ZSCAN23: variants seen among roughly 807,000 people sequenced by gnomAD.
The protein encoded by ZSCAN23 is zinc finger and SCAN domain-containing protein 23.
A neutral mutation model predicts 19.3 loss-of-function variants in ZSCAN23; 19 were observed. The observed-to-expected ratio is 0.99, with a 90% CI of 0.69 to 1.45. The LOEUF (loss-of-function observed/expected upper bound fraction) is 1.45, where lower values mean the gene tolerates loss of function less well. Ranked by LOEUF, ZSCAN23 falls within the 40% of genes most tolerant of loss-of-function variation. The pLI is 0.00. For synonymous variants in ZSCAN23, 140 were observed against 166.2 expected, an observed-to-expected ratio of 0.84 and a Z score of 1.21; for missense variants, 372 against 462.5, an observed-to-expected ratio of 0.80 and a Z score of 1.79.
chr6:28,436,753 G>T (rs1761897952), intron 1 of ZSCAN23, among the ~76,000 whole-genome samples: 1 of 152,092 alleles, frequency 6.6e-6, no homozygotes. Flanking sequence ...GGAAAGTAAA[G>T]AATATAAAAA....
At chr6:28,435,116 G>GA in intron 3 of ZSCAN23, 38 bp from the exon 4 acceptor site, 22 of 1,475,078 alleles carry the variant, frequency 1.5e-5, no homozygotes, top group Non-Finnish European at 2.0e-5. Context: ...CATGAAGTAT[G>GA]AAAAATAACA....
chr6:28,426,567 TATA>T, the ZSCAN23 span, among the ~76,000 whole-genome samples: 2 of 152,156 alleles, frequency 1.3e-5, no homozygotes, highest in African/African-American at 2.4e-5. Flanking sequence ...CCATAATAGA[TATA>T]ATAATAATTT....
chr6:28,427,857 A>G (rs1761688933), downstream of ZSCAN23, among the ~76,000 whole-genome samples: 1 of 152,180 alleles, frequency 6.6e-6, no homozygotes, highest in African/African-American at 2.4e-5. Context: ...AGGCGGGTGG[A>G]TCACCTGAGG....
At chr6:28,430,660 C>G (rs567143271), downstream of ZSCAN23, among the ~76,000 whole-genome samples, 1 of 152,086 alleles carries the variant, frequency 6.6e-6, no homozygotes, top group Non-Finnish European at 1.5e-5. Flanking sequence ...AGGCCACCAC[C>G]ACCCCCACCC....
the ZSCAN23 span, among the ~76,000 whole-genome samples, chr6:28,424,778 A>G: frequency 3.3e-5 from 5 of 152,318 alleles, no homozygotes; most frequent in East Asian, 9.6e-4. Context: ...TATTTCCACT[A>G]TATCTACAGT....
chr6:28,422,961 T>C, the ZSCAN23 span, among the ~76,000 whole-genome samples: 2 of 152,214 alleles, frequency 1.3e-5, no homozygotes, highest in Non-Finnish European at 2.9e-5. The surrounding 1 kb of genome is among the most constrained non-coding windows in gnomAD (Gnocchi z 4.0). Flanking sequence ...CAGAGCTGAG[T>C]TGACCCTTTA....
chr6:28,435,128 A>C, intron 3 of ZSCAN23, 50 bp from the exon 4 acceptor site: 1 of 1,465,446 alleles, frequency 6.8e-7, no homozygotes, highest in South Asian at 1.5e-5. Context: ...AAAATAACAG[A>C]TTATCTTTCC....
downstream of ZSCAN23, among the ~76,000 whole-genome samples, chr6:28,430,976 C>CTA (rs1761750614): frequency 6.6e-6 from 1 of 152,126 alleles, no homozygotes; most frequent in Non-Finnish European, 1.5e-5. Context: ...CCATCGGTCC[C>CTA]TATACCACTG....
intron 1 of ZSCAN23, among the ~76,000 whole-genome samples, chr6:28,442,332 T>C (rs945232693): frequency 6.6e-5 from 10 of 152,238 alleles, no homozygotes; most frequent in African/African-American, 2.4e-4. Flanking sequence ...AAACCTGGCA[T>C]ATAAACATGC....
At chr6:28,437,584 A>AAAAAAC (rs879500667) in intron 1 of ZSCAN23, among the ~76,000 whole-genome samples, 4 of 152,132 alleles carry the variant, frequency 2.6e-5, no homozygotes, top group Non-Finnish European at 5.9e-5. Flanking sequence ...CTCTGTCTCA[A>AAAAAAC]AAAAACAAAA....
chr6:28,431,829 A>C (rs931106947), downstream of ZSCAN23: 2 of 152,200 alleles, frequency 1.3e-5, no homozygotes, highest in African/African-American at 4.8e-5. Flanking sequence ...TATTATGAAG[A>C]TGAAGCATGT....
intron 3 of ZSCAN23, 31 bp downstream of exon 3, chr6:28,435,429 G>A: frequency 6.5e-7 from 1 of 1,547,466 alleles, no homozygotes; most frequent in Non-Finnish European, 8.7e-7. Flanking sequence ...AGGGAATGAG[G>A]TAGGCTGTCT....
Position 28,434,246 on chromosome 6 carries a change from C to T in ZSCAN23, c.*219G>A. ...TGCACAGATGTGTGTGAAACTAGGT[C>T]TACAGCATACATGATGAAATCAACA... On this transcript the variant is annotated 3_prime_UTR_variant, in exon 4 of 4. Coordinates refer to ENST00000289788, the MANE Select transcript of ZSCAN23 (RefSeq NM_001012455.2). The T allele has an allele frequency of 2.0e-6, 1 of 505,022 alleles. No homozygotes were observed. The highest frequency in any genetic ancestry group is 3.4e-6 in the Non-Finnish European group (1 of 292,162). 31.3% of individuals were successfully genotyped at this position (505,022 alleles called of 1,614,324 possible). A position where few individuals can be genotyped will look rare whatever the true frequency, so the allele number is the denominator to read the frequency against.
chr6:28,442,562 A>G (rs984967077), intron 1 of ZSCAN23, among the ~76,000 whole-genome samples: 10 of 152,242 alleles, frequency 6.6e-5, no homozygotes, highest in African/African-American at 2.4e-4. Flanking sequence ...TCTCCAATCA[A>G]ATCCTAACTA....
the ZSCAN23 span, among the ~76,000 whole-genome samples, chr6:28,423,876 A>T: frequency 1.3e-5 from 2 of 152,244 alleles, no homozygotes; most frequent in Admixed American, 1.3e-4. Flanking sequence ...GTAAAAAAAA[A>T]AATTTCTGTG....
the ZSCAN23 span, among the ~76,000 whole-genome samples, chr6:28,423,744 T>C: frequency 6.6e-6 from 1 of 152,204 alleles, no homozygotes; most frequent in South Asian, 2.1e-4. Context: ...GAAGACTGGC[T>C]CACTGCAGCA....
chr6:28,442,595 C>T (rs1762022136), intron 1 of ZSCAN23, among the ~76,000 whole-genome samples: 1 of 152,192 alleles, frequency 6.6e-6, no homozygotes, highest in Non-Finnish European at 1.5e-5. Context: ...TACTGAGGTA[C>T]AAAAGAAGGA....
rs117696946 is a variant in ZSCAN23 at position 28,434,681 on chromosome 6, G to T, written c.954C>A (p.Ala318=). 3.2e-5 allele frequency: 50 copies of T among 1,577,098 alleles called. No homozygotes were observed. The East Asian group carries it at 7.5e-4, about 24-fold the overall frequency. Residue 318 remains alanine, a synonymous_variant, in exon 4 of 4, where the codon GCC becomes GCA. Transcript: ENST00000289788. ...SVCGKAFSQN[A]GLFHHLRIHT... is the part of the protein sequence containing the mutation. ...GAATTCTGAGGTGATGGAAAAGCCC[G>T]GCATTCTGGCTGAAGGCTTTGCCAC...
chr6:28,428,074 C>T (rs558485857), downstream of ZSCAN23, among the ~76,000 whole-genome samples: 1 of 150,674 alleles, frequency 6.6e-6, no homozygotes, highest in African/African-American at 2.4e-5. Context: ...AAAACTCCAT[C>T]AAAAAAAAAT....
Sources: gnomAD v4.1 joint callset for allele counts (sites outside exome capture counted in the v4.1 genomes callset) on GRCh38, gnomAD v4.1.1 for gene constraint, Gnocchi (gnomAD v3.1) non-coding constraint, MANE v1.5 for transcripts, NCBI Gene and HGNC (gene_info 2026-07-23, HGNC 2026-07-21) for gene names.